The following FSHR variants were observed in gnomAD, a reference collection of about 807,000 sequenced individuals.
FSHR encodes the protein follicle stimulating hormone receptor.
FSHR carries 46 observed loss-of-function variants against 52.1 expected under a neutral mutation model. The ratio of observed to expected loss-of-function variants is 0.88; its 90% CI spans 0.70 to 1.13. FSHR has a LOEUF of 1.13. Ranked by LOEUF, FSHR falls within the 50% of genes most tolerant of loss-of-function variation. FSHR has a pLI of 0.00. For missense variants in FSHR, 964 were observed against 834.6 expected (o/e 1.16, Z -1.91); for synonymous variants, 399 against 309.6 (o/e 1.29, Z -3.03).
intron 4 of FSHR, among the ~76,000 whole-genome samples, chr2:49,016,128 A>G (rs560836105): frequency 2.6e-5 from 4 of 152,206 alleles, no homozygotes; most frequent in Non-Finnish European, 5.9e-5. Flanking sequence ...TGTTAAGTCC[A>G]GTTCTTATGA....
chr2:49,066,295 G>C (rs756000056), intron 2 of FSHR, among the ~76,000 whole-genome samples: 1 of 151,992 alleles, frequency 6.6e-6, no homozygotes, highest in Non-Finnish European at 1.5e-5. Flanking sequence ...TTTGTGGAGG[G>C]GGAGATACTG....
At chr2:49,002,078 G>A (rs757860479) in intron 4 of FSHR, among the ~76,000 whole-genome samples, 7 of 152,016 alleles carry the variant, frequency 4.6e-5, no homozygotes, top group Non-Finnish European at 1.0e-4. Context: ...AATTCAGTTA[G>A]CATTTCTGAA....
At chr2:49,078,438 G>C (rs949806590) in intron 1 of FSHR, among the ~76,000 whole-genome samples, 1 of 152,126 alleles carries the variant, frequency 6.6e-6, no homozygotes, top group Non-Finnish European at 1.5e-5. Flanking sequence ...CCCTTTTTAT[G>C]TGGTTAGTGT....
intron 1 of FSHR, among the ~76,000 whole-genome samples, chr2:49,105,432 C>T (rs1671188118): frequency 6.6e-6 from 1 of 152,204 alleles, no homozygotes; most frequent in South Asian, 2.1e-4. Context: ...AGGAAGCTTA[C>T]TTTAAGTTTC....
chr2:49,010,033 T>G (rs1291527738), intron 4 of FSHR, among the ~76,000 whole-genome samples: 1 of 103,996 alleles, frequency 9.6e-6, no homozygotes, highest in Non-Finnish European at 2.3e-5. Flanking sequence ...TTCTCCTGCT[T>G]AATTGCCCTG....
At chr2:49,122,454 A>G (rs1434421157) in intron 1 of FSHR, among the ~76,000 whole-genome samples, 1 of 152,100 alleles carries the variant, frequency 6.6e-6, no homozygotes, top group African/African-American at 2.4e-5. Context: ...CTTGCTCTCA[A>G]TTCTCATTAC....
intron 8 of FSHR, among the ~76,000 whole-genome samples, chr2:48,973,384 G>A (rs1463150795): frequency 4.2e-5 from 6 of 143,782 alleles, no homozygotes; most frequent in Admixed American, 6.7e-5. Flanking sequence ...GCAGTCAGCC[G>A]CCTGAGCTGA....
At chr2:49,013,393 T>C (rs991770030) in intron 4 of FSHR, among the ~76,000 whole-genome samples, 68 of 149,900 alleles carry the variant, frequency 4.5e-4, no homozygotes, top group Non-Finnish European at 4.6e-4. Flanking sequence ...CCTATGAGTT[T>C]AGGTGATCCC....
At chr2:49,097,646 T>C (rs1485798848) in intron 1 of FSHR, among the ~76,000 whole-genome samples, 5 of 152,126 alleles carry the variant, frequency 3.3e-5, no homozygotes, top group Non-Finnish European at 4.4e-5. Flanking sequence ...AGGGCTGGAA[T>C]AGAATAACGT....
At chr2:48,984,178 G>A (rs995954028) in intron 6 of FSHR, among the ~76,000 whole-genome samples, 1 of 152,122 alleles carries the variant, frequency 6.6e-6, no homozygotes, top group Non-Finnish European at 1.5e-5. Context: ...AATCACAGGA[G>A]AACAACTGTA....
chr2:48,997,834 T>C (rs539360228), intron 4 of FSHR, among the ~76,000 whole-genome samples: 9 of 152,240 alleles, frequency 5.9e-5, no homozygotes, highest in Middle Eastern at 3.4e-3. Flanking sequence ...GTGGGACTTA[T>C]ATGACACTTC....
At chr2:49,113,424 T>A (rs1048069932) in intron 1 of FSHR, among the ~76,000 whole-genome samples, 1 of 152,156 alleles carries the variant, frequency 6.6e-6, no homozygotes, top group African/African-American at 2.4e-5. Flanking sequence ...GATGATTATT[T>A]ATGAAAATTG....
intron 1 of FSHR, among the ~76,000 whole-genome samples, chr2:49,128,483 T>A (rs2103803787): frequency 1.4e-5 from 2 of 140,294 alleles, no homozygotes; most frequent in Middle Eastern, 3.5e-3. Context: ...TACAGTGAGC[T>A]GTGGCCTGGA....
intron 1 of FSHR, among the ~76,000 whole-genome samples, chr2:49,127,889 C>T (rs201686960): frequency 8.3e-4 from 25 of 29,992 alleles, no homozygotes; most frequent in African/African-American, 2.5e-3. Flanking sequence ...TCTTCTTCTT[C>T]TTCTTCTTCT....
At chr2:49,113,934 C>T (rs748436525) in intron 1 of FSHR, among the ~76,000 whole-genome samples, 5 of 152,148 alleles carry the variant, frequency 3.3e-5, no homozygotes, top group Non-Finnish European at 7.4e-5. Context: ...CTCAAGTGAG[C>T]CTTGTCACCC....
intron 1 of FSHR, among the ~76,000 whole-genome samples, chr2:49,144,928 G>T (rs1483001901): frequency 6.6e-6 from 1 of 152,106 alleles, no homozygotes; most frequent in African/African-American, 2.4e-5. Context: ...AGAGCATTCT[G>T]TAATTCCTTA....
chr2:49,085,186 T>G (rs1421220745), intron 1 of FSHR, among the ~76,000 whole-genome samples: 2 of 152,142 alleles, frequency 1.3e-5, no homozygotes, highest in Non-Finnish European at 2.9e-5. Flanking sequence ...CAAGGCTGGT[T>G]CAATATATGC....
intron 1 of FSHR, among the ~76,000 whole-genome samples, chr2:49,108,492 G>T (rs888197533): frequency 6.6e-6 from 1 of 151,924 alleles, no homozygotes; most frequent in Non-Finnish European, 1.5e-5. Context: ...CCCTACTCTG[G>T]CCAACCAAGC....
chr2:49,015,778 G>C (rs1309089356), intron 4 of FSHR, among the ~76,000 whole-genome samples: 1 of 152,142 alleles, frequency 6.6e-6, no homozygotes, highest in East Asian at 1.9e-4. Flanking sequence ...GACTGGCTAC[G>C]TAATTTGTGG....
Sources: allele counts gnomAD v4.1 joint callset (sites outside exome capture counted in the v4.1 genomes callset), GRCh38; gene constraint gnomAD v4.1.1; transcripts MANE v1.5; gene names NCBI Gene and HGNC (gene_info 2026-07-23, HGNC 2026-07-21).